The following KANSL1 variants were observed in gnomAD, a reference collection of about 807,000 sequenced individuals.
The protein encoded by KANSL1 is MLL1/MLL complex subunit KANSL1.
Under a neutral mutation model 103.6 loss-of-function variants are expected in KANSL1, and 22 were observed. The ratio of observed to expected loss-of-function variants is 0.21; its 90% CI spans 0.15 to 0.30. KANSL1 has a LOEUF of 0.30. KANSL1 is among the 10% of genes least tolerant of loss of function. KANSL1 has a pLI of 1.00. For synonymous variants in KANSL1, 600 were observed against 527.6 expected (o/e 1.14, Z -1.88); for missense variants, 1,337 against 1,399.8 (o/e 0.96, Z 0.72).
chr17:46,054,342 T>C (rs2077840987), intron 6 of KANSL1, among the ~76,000 whole-genome samples: 2 of 152,026 alleles, frequency 1.3e-5, no homozygotes, highest in Admixed American at 6.6e-5. Context: ...GCGTGAGCCA[T>C]CGCGACCGGT....
chr17:46,076,566 A>T (rs2078780673), intron 4 of KANSL1, among the ~76,000 whole-genome samples: 1 of 128,636 alleles, frequency 7.8e-6, no homozygotes, highest in African/African-American at 2.5e-5. Flanking sequence ...CTTGAAAATC[A>T]ATGTTCAATT....
Position 46,039,897 on chromosome 17 carries a change from T to A in KANSL1, c.2021-13A>T. 1 of 1,613,854 alleles carries A rather than the reference T, an allele frequency of 6.2e-7. No homozygotes were observed. Among genetic ancestry groups the A allele is most frequent in the Non-Finnish European group, 8.5e-7 (1 of 1,179,762 alleles). On this transcript the variant is annotated splice_polypyrimidine_tract_variant and intron_variant, in intron 7 of 14. Coordinates refer to ENST00000432791, the MANE Select transcript of KANSL1 (RefSeq NM_015443.4). ...CTTGTGGGAACATCTGCAAGAAACA[T>A]AAAATGCTACAGGTTAGTCCAAACA...
At chr17:46,165,389 C>T (rs1043556040) in intron 2 of KANSL1, among the ~76,000 whole-genome samples, 2 of 152,140 alleles carry the variant, frequency 1.3e-5, no homozygotes, top group Non-Finnish European at 2.9e-5. Context: ...ACCGCCACCA[C>T]GCCCGGCTAA....
intron 7 of KANSL1, among the ~76,000 whole-genome samples, chr17:46,046,277 T>C (rs1464133465): frequency 6.6e-6 from 1 of 152,090 alleles, no homozygotes; most frequent in Non-Finnish European, 1.5e-5. Flanking sequence ...CTCATGCCTA[T>C]AATCCCAGCA....
At chr17:46,168,916 T>A (rs1272765428) in intron 2 of KANSL1, among the ~76,000 whole-genome samples, 1 of 152,242 alleles carries the variant, frequency 6.6e-6, no homozygotes, top group South Asian at 2.1e-4. Flanking sequence ...TTCCAAGTCA[T>A]TAAACTATCC....
At chr17:46,136,787 A>G in intron 2 of KANSL1, among the ~76,000 whole-genome samples, 1 of 152,274 alleles carries the variant, frequency 6.6e-6, no homozygotes, top group South Asian at 2.1e-4. Flanking sequence ...CCAGAAAGAC[A>G]AAAGCACTTT....
In KANSL1 at chr17:46,050,514, A is replaced by G. The variant is rs1030510609; in HGVS notation, c.2020+19T>C. 9 of 1,611,878 alleles carry G rather than the reference A, an allele frequency of 5.6e-6. No homozygotes were observed. The highest frequency in any genetic ancestry group is 7.6e-6 in the Non-Finnish European group (9 of 1,178,260). ...TCAAGTTTCTTTCATTAGACTTTCT[A>G]GTCTGTGGTCTTTCTTACCATCTGG... On this transcript the variant is annotated intron_variant, in intron 7 of 14. Coordinates refer to ENST00000432791, the MANE Select transcript of KANSL1 (RefSeq NM_015443.4).
chr17:46,218,401 G>C (rs2048406722), intron 1 of KANSL1, among the ~76,000 whole-genome samples: 2 of 152,214 alleles, frequency 1.3e-5, no homozygotes, highest in Admixed American at 1.3e-4. Context: ...TGGACACCAA[G>C]GTTCTAAGAG....
chr17:46,125,083 A>AGG (rs1456005465), intron 2 of KANSL1, among the ~76,000 whole-genome samples: 3 of 13,938 alleles, frequency 2.2e-4, no homozygotes, highest in Non-Finnish European at 3.6e-4. Context: ...GGAGGGAGGG[A>AGG]GAGAGGGAGG....
chr17:46,077,055 T>C (rs781194972), intron 4 of KANSL1, among the ~76,000 whole-genome samples: 1 of 152,188 alleles, frequency 6.6e-6, no homozygotes, highest in African/African-American at 2.4e-5. Context: ...CAGAGTACAA[T>C]GTTTTTGTTT....
chr17:46,134,162 C>T (rs965919194), intron 2 of KANSL1, among the ~76,000 whole-genome samples: 5 of 152,174 alleles, frequency 3.3e-5, no homozygotes, highest in Non-Finnish European at 7.3e-5. Flanking sequence ...CTTTGGGAGG[C>T]TGAGGCAGGC....
intron 1 of KANSL1, chr17:46,223,375 G>C (rs1284135348): frequency 3.3e-5 from 5 of 149,596 alleles, no homozygotes; most frequent in Non-Finnish European, 1.5e-5. Context: ...TCCTAAGACC[G>C]GAACATAATT....
In KANSL1 at chr17:46,034,018, A is replaced by C; in HGVS notation, c.2666+143T>G. The C allele has an allele frequency of 2.9e-6, 3 of 1,027,202 alleles. No individual in the cohort carries two copies. The South Asian group carries it at 4.8e-5, about 16-fold the overall frequency. The allele number at this position is 1,027,202 out of a possible 1,614,324, so 63.6% of individuals were successfully genotyped here. On this transcript the variant is annotated intron_variant, in intron 11 of 14. Coordinates refer to ENST00000432791, the MANE Select transcript of KANSL1 (RefSeq NM_015443.4). The stretch of plus-strand genomic sequence containing the variant: ...TGAGAGAGAACTATATACAGAAATA[A>C]TTTCGTTCTTATCAGATAAGAATTT...
intron 2 of KANSL1, among the ~76,000 whole-genome samples, chr17:46,112,949 G>A (rs1347257958): frequency 2.0e-5 from 3 of 152,100 alleles, no homozygotes; most frequent in Admixed American, 6.5e-5. Context: ...TTGAACTCCC[G>A]ACCTCAGGTG....
At chr17:46,196,259 A>T (rs1227893161), upstream of KANSL1, 1 of 444,448 alleles carries the variant, frequency 2.2e-6, no homozygotes, top group Non-Finnish European at 4.5e-6. Flanking sequence ...ATAAAAAAAT[A>T]AAAACACCAA....
chr17:46,134,333 G>C (rs1201608324), intron 2 of KANSL1, among the ~76,000 whole-genome samples: 1 of 152,172 alleles, frequency 6.6e-6, no homozygotes, highest in Non-Finnish European at 1.5e-5. Flanking sequence ...GGAGGTGGAA[G>C]TTGCAGTGAG....
intron 1 of KANSL1, among the ~76,000 whole-genome samples, chr17:46,177,101 A>G (rs62060917): frequency 0.11 from 17,252 of 150,346 alleles, 1 homozygote; most frequent in Non-Finnish European, 0.17. Context: ...CTCAGTTCCC[A>G]TCCTGGCTCC....
chr17:46,050,362 G>A (rs2077669394), intron 7 of KANSL1, 171 bp downstream of exon 7: 1 of 615,366 alleles, frequency 1.6e-6, no homozygotes, highest in Non-Finnish European at 2.8e-6. Context: ...GGCACCTTCT[G>A]GTTTGGTGGA....
intron 10 of KANSL1, chr17:46,035,828 C>T (rs2077130208): frequency 6.8e-6 from 1 of 147,036 alleles, no homozygotes; most frequent in Non-Finnish European, 1.5e-5. Flanking sequence ...GAAAAAGATA[C>T]TGGAGCAGGT....
Sources: gnomAD v4.1 joint callset for allele counts (sites outside exome capture counted in the v4.1 genomes callset) on GRCh38, gnomAD v4.1.1 for gene constraint, MANE v1.5 for transcripts, NCBI Gene and HGNC (gene_info 2026-07-23, HGNC 2026-07-21) for gene names.